Variants in TNRC18 observed in about 807,000 individuals in gnomAD.
TNRC18 encodes the protein trinucleotide repeat containing 18, also known as trinucleotide repeat-containing gene 18 protein.
TNRC18 carries 69 observed loss-of-function variants against 226.7 expected under a neutral mutation model. The observed-to-expected ratio is 0.30, with a 90% confidence interval of 0.25 to 0.37. The LOEUF (loss-of-function observed/expected upper bound fraction) is 0.37, where lower values mean the gene tolerates loss of function less well. Ranked by LOEUF, TNRC18 falls within the 10% of genes least tolerant of loss-of-function variation. The pLI is 1.00. For missense variants in TNRC18, 4,754 were observed against 4,256.6 expected (o/e 1.12, Z -3.25); for synonymous variants, 2,449 against 1,927.6 (o/e 1.27, Z -7.09).
Position 5,359,504 on chromosome 7 carries a change from T to C in TNRC18, c.4727A>G (p.His1576Arg). 6.2e-7 allele frequency: 1 copy of C among 1,614,056 alleles called. No homozygotes were observed. The highest frequency in any genetic ancestry group is 1.1e-5 in the South Asian group (1 of 91,088). ...ATCATGTTCCTCCTCAGACCCCTTG[T>C]GTCTCTTTCTTATCCCTGCTCCCAG... ...YELGAGIRKR[H>R]KGSEEEHDAL... Residue 1576 changes from histidine to arginine, a missense_variant, in exon 15 of 30, where the codon CAC becomes CGC. By Grantham distance (29) the His-to-Arg change is conservative. Coordinates refer to ENST00000430969, the MANE Select transcript of TNRC18 (RefSeq NM_001080495.3).
rs538690867 is a variant in TNRC18 at position 5,313,307 on chromosome 7, C to A, written c.7584G>T (p.Glu2528Asp). 200 of 1,549,060 alleles carry A rather than the reference C, an allele frequency of 1.3e-4. 2 individuals are homozygous for A. In the East Asian group the frequency reaches 4.7e-3, roughly 36 times the overall value. The change falls in exon 27 of 30, where the codon GAG (glutamate) becomes GAT (aspartate). Residue 2528 changes from glutamate to aspartate, a missense_variant. By Grantham distance (45) the Glu-to-Asp change is conservative. Transcript: ENST00000430969. ...CCTCGAACGTGAGCCCCGGCCCGGGCTCCTGGGCGAGGTCCCCGTCGGTGG... is the reference window on the plus strand; with the variant it reads ...CCTCGAACGTGAGCCCCGGCCCGGGATCCTGGGCGAGGTCCCCGTCGGTGG... ...PKATDGDLAQ[E>D]PGPGLTFEDS...
rs386409424 is a variant in TNRC18, at chr7:5,307,214, T to TC, written c.*891_*892insG. Reference sequence around the variant, plus strand: ...TATTCTGCACGTCAGAATGTTTTTTTTTATAATTTCATAGCTATTTTTCAC... The same window carrying TC: ...TATTCTGCACGTCAGAATGTTTTTTTCTTATAATTTCATAGCTATTTTTCAC... On this transcript the variant is annotated 3_prime_UTR_variant, in exon 30 of 30. Transcript: ENST00000430969. 6.7e-6 allele frequency: 1 copy of TC among 149,950 alleles called. No individual in the cohort carries two copies. Among genetic ancestry groups the TC allele is most frequent in the African/African-American group, 2.4e-5 (1 of 40,936 alleles). 9.3% of individuals were successfully genotyped at this position (149,950 alleles called of 1,614,324 possible).
chr7:5,315,639 G>A (rs1045563028), intron 25 of TNRC18, among the ~76,000 whole-genome samples: 1 of 152,210 alleles, frequency 6.6e-6, no homozygotes, highest in Non-Finnish European at 1.5e-5. Flanking sequence ...GGCTGGGATG[G>A]TCTCGATCTC....
intron 21 of TNRC18, among the ~76,000 whole-genome samples, chr7:5,323,894 G>C (rs1788630684): frequency 6.6e-6 from 1 of 152,108 alleles, no homozygotes; most frequent in African/African-American, 2.4e-5. Flanking sequence ...AAGCCAATCT[G>C]ACCATATCAC....
intron 2 of TNRC18, among the ~76,000 whole-genome samples, chr7:5,410,001 A>G (rs1781739471): frequency 6.6e-6 from 1 of 151,500 alleles, no homozygotes; most frequent in African/African-American, 2.4e-5. Context: ...AAAAAAAAAA[A>G]AAAATTTTTT....
intron 2 of TNRC18, among the ~76,000 whole-genome samples, chr7:5,417,430 A>G (rs796992116): frequency 1.3e-5 from 2 of 152,088 alleles, no homozygotes; most frequent in Non-Finnish European, 2.9e-5. Flanking sequence ...AGATCACGCT[A>G]TTGCATTCCA....
intron 18 of TNRC18, among the ~76,000 whole-genome samples, chr7:5,336,929 G>GA (rs1335134831): frequency 6.6e-6 from 1 of 152,138 alleles, no homozygotes; most frequent in Admixed American, 6.6e-5. Flanking sequence ...TGTTAAACAG[G>GA]AAAAGAAAGA....
intron 19 of TNRC18, among the ~76,000 whole-genome samples, chr7:5,328,722 G>A (rs954291845): frequency 6.6e-6 from 1 of 151,784 alleles, no homozygotes; most frequent in Non-Finnish European, 1.5e-5. Context: ...ATATTGGCTA[G>A]GCTGGTCTCG....
chr7:5,399,486 G>A (rs999382225), intron 2 of TNRC18, among the ~76,000 whole-genome samples: 7 of 152,116 alleles, frequency 4.6e-5, no homozygotes, highest in Admixed American at 1.3e-4. Flanking sequence ...GACGAGGCGG[G>A]CAGATCACTT....
intron 2 of TNRC18, among the ~76,000 whole-genome samples, chr7:5,415,257 A>T (rs1400696465): frequency 6.6e-6 from 1 of 152,034 alleles, no homozygotes; most frequent in African/African-American, 2.4e-5. Flanking sequence ...TGCAGGAAAA[A>T]GGTCACCCCT....
chr7:5,376,176 T>A lies in TNRC18; in HGVS notation c.2657A>T (p.Tyr886Phe), dbSNP rs770639571. Residue 886 changes from tyrosine (Y) to phenylalanine (F), a missense_variant, in exon 9 of 30, where the codon TAC (tyrosine) becomes TTC (phenylalanine). Coordinates refer to ENST00000430969, the MANE Select transcript of TNRC18 (RefSeq NM_001080495.3). ...GTGCAGGGGGCTGCGGCCCGGCGGG[T>A]ACAGGGCGGGCCAGAGGGGCGGTAC... ...ATVPPLWPAL[Y>F]PPGRSPLHHA... The A allele has an allele frequency of 2.6e-6, 4 of 1,563,498 alleles. No homozygotes were observed. The highest frequency in any genetic ancestry group is 3.5e-6 in the Non-Finnish European group (4 of 1,156,578).
chr7:5,423,254 A>AC (rs1562654147), intron 1 of TNRC18, 187 bp downstream of exon 1: 3 of 148,704 alleles, frequency 2.0e-5, no homozygotes, highest in African/African-American at 7.4e-5. Flanking sequence ...CCAGCAGCCC[A>AC]CCCCCACCCC....
chr7:5,382,486 C>CT (rs1430014006), intron 5 of TNRC18, among the ~76,000 whole-genome samples: 17 of 152,214 alleles, frequency 1.1e-4, no homozygotes, highest in Admixed American at 8.5e-4. Flanking sequence ...ATGGCAACCC[C>CT]TTCCTGGCCT....
chr7:5,389,471 T>TTTTTTTC (rs549108764), intron 4 of TNRC18, 135 bp from the exon 5 acceptor site: 50 of 927,146 alleles, frequency 5.4e-5, no homozygotes, highest in Non-Finnish European at 5.9e-5. Context: ...GTTTTTTTTT[T>TTTTTTTC]CAGAAAGAGT....
chr7:5,360,078 T>G (rs1288847038), intron 14 of TNRC18, among the ~76,000 whole-genome samples: 1 of 152,186 alleles, frequency 6.6e-6, no homozygotes, highest in Non-Finnish European at 1.5e-5. Flanking sequence ...CCCCACTTGC[T>G]TGCTTTAAGC....
intron 18 of TNRC18, 106 bp downstream of exon 18, chr7:5,345,456 G>A: frequency 8.5e-7 from 1 of 1,175,272 alleles, no homozygotes; most frequent in Non-Finnish European, 1.2e-6. Flanking sequence ...CCCATTCCCA[G>A]CTCTGCACCT....
rs1255679258 is a variant in TNRC18, at chr7:5,371,060, C to T, written c.3534G>A (p.Pro1178=). The change falls in exon 11 of 30, where the codon CCG becomes CCA. Residue 1178 remains proline (P), a synonymous_variant. Coordinates refer to ENST00000430969, the MANE Select transcript of TNRC18 (RefSeq NM_001080495.3). ...TGGCTTCCGCGGCGGGCAGTGGCAGCGGCGACTCCAGAGGCGGCAGCTCTG... is the reference window on the plus strand; with the variant it reads ...TGGCTTCCGCGGCGGGCAGTGGCAGTGGCGACTCCAGAGGCGGCAGCTCTG... ...GPTELPPLES[P]LPLPAAEAMA... 7.4e-6 allele frequency: 12 copies of T among 1,610,748 alleles called. No individual in the cohort carries two copies. Among genetic ancestry groups the T allele is most frequent in the African/African-American group, 5.3e-5 (4 of 74,932 alleles).
At chr7:5,344,079 G>A (rs917587768) in intron 18 of TNRC18, among the ~76,000 whole-genome samples, 5 of 152,234 alleles carry the variant, frequency 3.3e-5, no homozygotes, top group Non-Finnish European at 7.3e-5. Context: ...GACAGTCAAC[G>A]CAGAATAAAG....
At chr7:5,376,352 C>G (rs1184518331) in intron 8 of TNRC18, 128 bp from the exon 9 acceptor site, 1 of 841,922 alleles carries the variant, frequency 1.2e-6, no homozygotes, top group Non-Finnish European at 1.8e-6. Flanking sequence ...TCTGCGGGCC[C>G]CCGGCTGCTC....
Sources: gnomAD v4.1 joint callset for allele counts (sites outside exome capture counted in the v4.1 genomes callset) on GRCh38, gnomAD v4.1.1 for gene constraint, MANE v1.5 for transcripts, NCBI Gene and HGNC (gene_info 2026-07-23, HGNC 2026-07-21) for gene names.